Variants in C1orf87 observed in about 807,000 individuals in gnomAD.
C1orf87 encodes the protein chromosome 1 open reading frame 87.
Under a neutral mutation model 60.5 loss-of-function variants are expected in C1orf87, and 58 were observed. The observed-to-expected ratio is 0.96, with a 90% confidence interval of 0.78 to 1.19. C1orf87 has a LOEUF of 1.19. Ranked by LOEUF, C1orf87 falls within the 50% of genes most tolerant of loss-of-function variation. The pLI is 0.00. For missense variants in C1orf87, 673 were observed against 638.6 expected (o/e 1.05, Z -0.58); for synonymous variants, 236 against 227.4 (o/e 1.04, Z -0.34).
intron 10 of C1orf87, among the ~76,000 whole-genome samples, chr1:60,000,556 A>G (rs1644994730): frequency 6.6e-6 from 1 of 152,094 alleles, no homozygotes; most frequent in Non-Finnish European, 1.5e-5. Context: ...AATTCTGTCT[A>G]CAACTTCTCC....
Position 60,042,804 on chromosome 1 carries a change from G to A in C1orf87, c.343-1673C>T, listed in dbSNP as rs532190945. ...CAGGCACTGTCATAAGCCCTACAGTGATAAAAACAGACTCAGCCCCTGCTC... is the reference window on the plus strand; with the variant it reads ...CAGGCACTGTCATAAGCCCTACAGTAATAAAAACAGACTCAGCCCCTGCTC... On this transcript the variant is annotated intron_variant, in intron 3 of 11. Coordinates refer to ENST00000371201, the MANE Select transcript of C1orf87 (RefSeq NM_152377.3). 2.6e-4 allele frequency among the ~76,000 whole-genome samples: 39 copies of A among 152,324 alleles called. 1 individual carries two copies. The South Asian group carries it at 7.5e-3, about 29-fold the overall frequency.
intron 3 of C1orf87, among the ~76,000 whole-genome samples, chr1:60,049,269 C>T (rs1645395817): frequency 6.6e-6 from 1 of 151,900 alleles, no homozygotes; most frequent in African/African-American, 2.4e-5. Flanking sequence ...ATGGATTTTG[C>T]CAAATTATGT....
chr1:60,032,075 C>G (rs1016284518), intron 7 of C1orf87, among the ~76,000 whole-genome samples: 1 of 152,050 alleles, frequency 6.6e-6, no homozygotes, highest in African/African-American at 2.4e-5. Context: ...AAGAAAAATG[C>G]TTTTGTCCTA....
chr1:60,015,379 A>G (rs1275306149), intron 8 of C1orf87, among the ~76,000 whole-genome samples: 1 of 152,228 alleles, frequency 6.6e-6, no homozygotes, highest in Non-Finnish European at 1.5e-5. Flanking sequence ...AAATCTGAGA[A>G]ATAAATTTAT....
chr1:59,994,415 T>C (rs1313045873), intron 11 of C1orf87, among the ~76,000 whole-genome samples: 2 of 152,180 alleles, frequency 1.3e-5, no homozygotes, highest in African/African-American at 4.8e-5. Flanking sequence ...GGCTTTCTTC[T>C]CTGTAAATAA....
chr1:60,056,815 A>G (rs890769008), intron 2 of C1orf87, among the ~76,000 whole-genome samples: 3 of 152,222 alleles, frequency 2.0e-5, no homozygotes, highest in Admixed American at 6.5e-5. Flanking sequence ...CCTTGTACCT[A>G]CATGGCATTC....
intron 8 of C1orf87, among the ~76,000 whole-genome samples, chr1:60,011,836 G>T (rs1371391623): frequency 1.3e-5 from 2 of 152,006 alleles, no homozygotes; most frequent in Non-Finnish European, 2.9e-5. Context: ...TTTGGTCAGG[G>T]TAAGTATCAC....
intron 11 of C1orf87, among the ~76,000 whole-genome samples, chr1:59,995,984 C>T (rs1004316890): frequency 1.3e-5 from 2 of 152,224 alleles, no homozygotes; most frequent in African/African-American, 4.8e-5. Context: ...GCCTCTAACA[C>T]AGTTCTAGGC....
chr1:60,036,791 C>G (rs565949352), intron 6 of C1orf87, among the ~76,000 whole-genome samples: 69 of 152,248 alleles, frequency 4.5e-4, no homozygotes, highest in Non-Finnish European at 6.6e-4. Flanking sequence ...TTATATTCCT[C>G]ACATCTTATT....
rs547388504 is a variant in C1orf87 at position 60,022,324 on chromosome 1, A to C, written c.1127+3077T>G. 1.2e-4 allele frequency among the ~76,000 whole-genome samples: 19 copies of C among 152,146 alleles called. No homozygotes were observed. In the South Asian group the frequency reaches 3.7e-3, roughly 30 times the overall value. On this transcript the variant is annotated intron_variant, in intron 8 of 11. Transcript: ENST00000371201. The stretch of plus-strand genomic sequence containing the variant: ...ATGGTAGTGTGGATGGGTGTTGTTA[A>C]GTAACAATAGAGGGGGTGACAGGGA...
chr1:60,060,159 T>G (rs539871764), intron 2 of C1orf87, among the ~76,000 whole-genome samples: 1 of 151,048 alleles, frequency 6.6e-6, no homozygotes, highest in East Asian at 1.9e-4. Flanking sequence ...TTCGAAAAGA[T>G]CAAAAAAATA....
intron 8 of C1orf87, among the ~76,000 whole-genome samples, chr1:60,015,607 G>A (rs1172015191): frequency 6.6e-6 from 1 of 152,138 alleles, no homozygotes; most frequent in Non-Finnish European, 1.5e-5. Flanking sequence ...CTTTCTTGCT[G>A]TGTTCTCTGT....
intron 9 of C1orf87, among the ~76,000 whole-genome samples, chr1:60,009,081 C>G (rs998030311): frequency 6.6e-6 from 1 of 152,012 alleles, no homozygotes; most frequent in African/African-American, 2.4e-5. Context: ...TCACTGGTAC[C>G]TGTGAATCTG....
chr1:59,990,601 C>A lies in C1orf87; in HGVS notation c.*72G>T. ...CAATGCCTCCGCCACTACACTTAGG[C>A]TGGGGAGAAACATGTGTCTGGGTAA... On this transcript the variant is annotated 3_prime_UTR_variant, in exon 12 of 12. Transcript: ENST00000371201. The A allele has an allele frequency of 6.4e-7, 1 of 1,555,944 alleles. No homozygotes were observed. Among genetic ancestry groups the A allele is most frequent in the South Asian group, 1.2e-5 (1 of 85,768 alleles).
At chr1:60,016,274 G>T (rs569867870) in intron 8 of C1orf87, among the ~76,000 whole-genome samples, 1 of 152,284 alleles carries the variant, frequency 6.6e-6, no homozygotes, top group Admixed American at 6.5e-5. Flanking sequence ...TCATGGGGTT[G>T]CTGGGATTAT....
chr1:60,034,897 A>G (rs1645264656), intron 6 of C1orf87, among the ~76,000 whole-genome samples: 1 of 151,346 alleles, frequency 6.6e-6, no homozygotes, highest in African/African-American at 2.4e-5. Context: ...TTAGATGTAT[A>G]TAACTTTGTC....
intron 2 of C1orf87, among the ~76,000 whole-genome samples, chr1:60,060,796 C>T (rs991721229): frequency 1.2e-4 from 18 of 152,114 alleles, no homozygotes; most frequent in Non-Finnish European, 2.2e-4. Context: ...TGTTGCATCA[C>T]GATGTCCTCA....
At chr1:60,035,670 C>T (rs894426440) in intron 6 of C1orf87, among the ~76,000 whole-genome samples, 1 of 152,178 alleles carries the variant, frequency 6.6e-6, no homozygotes, top group African/African-American at 2.4e-5. Context: ...TCTTCATGTG[C>T]CTTTTCTATA....
chr1:59,997,228 A>G (rs1644969580), intron 11 of C1orf87, among the ~76,000 whole-genome samples: 1 of 152,142 alleles, frequency 6.6e-6, no homozygotes. Context: ...GTGCTGAGAG[A>G]ATATCAATAG....
Sources: allele counts gnomAD v4.1 joint callset (sites outside exome capture counted in the v4.1 genomes callset), GRCh38; gene constraint gnomAD v4.1.1; transcripts MANE v1.5; gene names NCBI Gene and HGNC (gene_info 2026-07-23, HGNC 2026-07-21).